FGGY: variants seen among roughly 807,000 people sequenced by gnomAD.
The protein encoded by FGGY is FGGY carbohydrate kinase domain-containing protein.
In FGGY, 72 loss-of-function variants were observed where a neutral mutation model predicts 71.3. The ratio of observed to expected loss-of-function variants is 1.01; its 90% CI spans 0.84 to 1.23. FGGY has a LOEUF of 1.23. FGGY is among the 50% of genes most tolerant of loss of function. FGGY has a pLI of 0.00. For missense variants in FGGY, 668 were observed against 682.3 expected (o/e 0.98, Z 0.23); for synonymous variants, 251 against 250.3 (o/e 1.00, Z -0.02).
At chr1:59,679,905 T>C (rs1026342062) in intron 14 of FGGY, among the ~76,000 whole-genome samples, 1 of 152,200 alleles carries the variant, frequency 6.6e-6, no homozygotes, top group Non-Finnish European at 1.5e-5. Flanking sequence ...ATGCTGCAAC[T>C]GACATCTCTG....
At chr1:59,348,581 A>G (rs866397231) in intron 4 of FGGY, among the ~76,000 whole-genome samples, 6 of 152,124 alleles carry the variant, frequency 3.9e-5, no homozygotes, top group Non-Finnish European at 1.5e-5. Flanking sequence ...AATGAGCATG[A>G]CCTGCTGTGA....
intron 10 of FGGY, among the ~76,000 whole-genome samples, chr1:59,629,224 T>TAAATAAATAAATAAATA (rs142808830): frequency 5.5e-4 from 83 of 151,988 alleles, no homozygotes; most frequent in African/African-American, 1.8e-3. Context: ...AATGAATAAA[T>TAAATAAATAAATAAATA]AATAAATAAA....
At chr1:59,657,000 C>T (rs1185948393) in intron 11 of FGGY, among the ~76,000 whole-genome samples, 1 of 152,126 alleles carries the variant, frequency 6.6e-6, no homozygotes, top group African/African-American at 2.4e-5. Flanking sequence ...GAGAAGGGTC[C>T]GTGATATCTT....
chr1:59,549,215 C>G (rs1056169158), intron 7 of FGGY, among the ~76,000 whole-genome samples: 1 of 152,182 alleles, frequency 6.6e-6, no homozygotes, highest in African/African-American at 2.4e-5. Context: ...CCCTTCCTCT[C>G]CAGGAACTCC....
intron 5 of FGGY, among the ~76,000 whole-genome samples, chr1:59,453,968 ATCAGCTGT>A (rs1211787596): frequency 2.0e-5 from 3 of 152,184 alleles, no homozygotes; most frequent in Non-Finnish European, 4.4e-5. Context: ...CTCAACCTTT[ATCAGCTGT>A]TGAGAAATAC....
chr1:59,697,786 A>G, intron 14 of FGGY: 2 of 986,702 alleles, frequency 2.0e-6, no homozygotes, highest in Non-Finnish European at 2.7e-6. Flanking sequence ...GTGCCCCTCC[A>G]CATCACCCCC....
Position 59,378,730 on chromosome 1 carries a change from T to G in FGGY, c.466-19T>G. The stretch of plus-strand genomic sequence containing the variant: ...AGAAAAACCCCCTAATTGATTCTAA[T>G]ATATATTTAATTTGGCAGAACTTGA... On this transcript the variant is annotated intron_variant, in intron 4 of 15. Coordinates refer to ENST00000303721, the MANE Select transcript of FGGY (RefSeq NM_018291.5). 6.2e-7 allele frequency: 1 copy of G among 1,607,000 alleles called. No individual in the cohort carries two copies. The highest frequency in any genetic ancestry group is 8.5e-7 in the Non-Finnish European group (1 of 1,174,614).
chr1:59,717,986 A>G lies in FGGY; in HGVS notation c.1513-39945A>G, dbSNP rs752671973. ...ACAGAAAAGGTTAAGTAACACACCTATGGTCACACAGCTGGTATGTAGAGA... is the reference window on the plus strand; with the variant it reads ...ACAGAAAAGGTTAAGTAACACACCTGTGGTCACACAGCTGGTATGTAGAGA... On this transcript the variant is annotated intron_variant, in intron 14 of 15. Transcript: ENST00000303721. Among the ~76,000 whole-genome samples, 5 of 152,272 alleles carry G rather than the reference A, an allele frequency of 3.3e-5. 1 individual carries two copies. Among genetic ancestry groups the G allele is most frequent in the Middle Eastern group, 6.8e-3 (2 of 294 alleles).
At chr1:59,726,874 C>A (rs2097954101) in intron 14 of FGGY, among the ~76,000 whole-genome samples, 1 of 151,960 alleles carries the variant, frequency 6.6e-6, no homozygotes, top group Non-Finnish European at 1.5e-5. Flanking sequence ...ATTATTTCTT[C>A]TGCTTTTTTA....
intron 6 of FGGY, among the ~76,000 whole-genome samples, chr1:59,505,349 G>A (rs573150151): frequency 1.3e-5 from 2 of 152,312 alleles, no homozygotes; most frequent in South Asian, 4.1e-4. Flanking sequence ...AAACATTTCT[G>A]TAGTAAGTGA....
At chr1:59,503,033 A>G (rs2094276169) in intron 6 of FGGY, among the ~76,000 whole-genome samples, 1 of 152,108 alleles carries the variant, frequency 6.6e-6, no homozygotes, top group South Asian at 2.1e-4. Context: ...TCTAACCTAC[A>G]TGGTATAGTA....
At chr1:59,475,112 T>C (rs949279924) in intron 6 of FGGY, among the ~76,000 whole-genome samples, 3 of 152,242 alleles carry the variant, frequency 2.0e-5, no homozygotes, top group African/African-American at 7.2e-5. Flanking sequence ...TCCCAGGTAA[T>C]TATTGCCAAC....
intron 4 of FGGY, among the ~76,000 whole-genome samples, chr1:59,349,265 A>G (rs2052757340): frequency 6.6e-6 from 1 of 152,214 alleles, no homozygotes; most frequent in Non-Finnish European, 1.5e-5. Flanking sequence ...AGGACCAGGA[A>G]TGATGGCAGT....
chr1:59,700,128 A>C (rs2097697861), intron 14 of FGGY, among the ~76,000 whole-genome samples: 1 of 152,232 alleles, frequency 6.6e-6, no homozygotes, highest in South Asian at 2.1e-4. Flanking sequence ...AACAAGTCTT[A>C]TAAAACTGTT....
intron 8 of FGGY, among the ~76,000 whole-genome samples, chr1:59,580,705 T>A (rs1388296565): frequency 2.0e-5 from 3 of 152,198 alleles, no homozygotes; most frequent in Non-Finnish European, 4.4e-5. Flanking sequence ...GTATGAATCC[T>A]AAACCTAGAA....
At chr1:59,727,979 A>T (rs2097969087) in intron 14 of FGGY, among the ~76,000 whole-genome samples, 1 of 152,082 alleles carries the variant, frequency 6.6e-6, no homozygotes, top group South Asian at 2.1e-4. Context: ...TCTTTTAATC[A>T]TCTCTGGCAA....
chr1:59,582,860 T>G, intron 8 of FGGY, among the ~76,000 whole-genome samples: 1 of 150,238 alleles, frequency 6.7e-6, no homozygotes, highest in Non-Finnish European at 1.5e-5. Flanking sequence ...ATCACTCACT[T>G]GGATTCAGGT....
chr1:59,336,653 C>T (rs1343707364), intron 2 of FGGY, among the ~76,000 whole-genome samples: 1 of 151,994 alleles, frequency 6.6e-6, no homozygotes, highest in Non-Finnish European at 1.5e-5. Context: ...TGCCCCGCAC[C>T]CCCTGACAGG....
chr1:59,340,261 C>T (rs1216147661), intron 3 of FGGY, among the ~76,000 whole-genome samples, 192 bp downstream of exon 3: 7 of 152,050 alleles, frequency 4.6e-5, no homozygotes, highest in Non-Finnish European at 8.8e-5. Context: ...GTGGTGTTGA[C>T]GCTGGATTAG....
Sources: gnomAD v4.1 joint callset for allele counts (sites outside exome capture counted in the v4.1 genomes callset) on GRCh38, gnomAD v4.1.1 for gene constraint, MANE v1.5 for transcripts, NCBI Gene and HGNC (gene_info 2026-07-23, HGNC 2026-07-21) for gene names.